The following RAP1A variants were observed in gnomAD, a reference collection of about 807,000 sequenced individuals.
The protein encoded by RAP1A is ras-related protein Rap-1A.
In RAP1A, 6 loss-of-function variants were observed where a neutral mutation model predicts 26.4. That is an observed-to-expected ratio of 0.23 (90% CI 0.12 to 0.45). The LOEUF (loss-of-function observed/expected upper bound fraction) is 0.45, where lower values mean the gene tolerates loss of function less well. Ranked by LOEUF, RAP1A falls within the 20% of genes least tolerant of loss-of-function variation. RAP1A has a pLI of 0.99. For missense variants in RAP1A, 121 were observed against 217.2 expected (o/e 0.56, Z 2.78); for synonymous variants, 73 against 79.4 (o/e 0.92, Z 0.43).
chr1:111,652,937 G>T (rs183652276), intron 1 of RAP1A, among the ~76,000 whole-genome samples: 84 of 152,324 alleles, frequency 5.5e-4, no homozygotes, highest in African/African-American at 1.9e-3. Flanking sequence ...ATACCCAAGA[G>T]AATTGGAAAC....
chr1:111,663,646 T>C (rs1361958088), intron 1 of RAP1A, among the ~76,000 whole-genome samples: 1 of 152,248 alleles, frequency 6.6e-6, no homozygotes, highest in Non-Finnish European at 1.5e-5. Context: ...CTTGGATTAA[T>C]TGAATTACCG....
chr1:111,644,086 A>G (rs1159708056), intron 1 of RAP1A, among the ~76,000 whole-genome samples: 2 of 152,218 alleles, frequency 1.3e-5, no homozygotes, highest in Admixed American at 6.5e-5. Flanking sequence ...TGTTAACCAC[A>G]TTTAGATAAT....
At chr1:111,629,839 T>A (rs894255841) in intron 1 of RAP1A, among the ~76,000 whole-genome samples, 6 of 152,182 alleles carry the variant, frequency 3.9e-5, no homozygotes, top group Non-Finnish European at 5.9e-5. Flanking sequence ...TTCAAAACGA[T>A]GATTTAATGT....
intron 1 of RAP1A, among the ~76,000 whole-genome samples, chr1:111,550,884 A>G (rs1195323540): frequency 6.6e-6 from 1 of 151,186 alleles, no homozygotes; most frequent in African/African-American, 2.4e-5. Context: ...CCTGTCTTAT[A>G]GTTTAACCTG....
chr1:111,581,077 A>C (rs1414451811), intron 1 of RAP1A, among the ~76,000 whole-genome samples: 1 of 98,162 alleles, frequency 1.0e-5, no homozygotes, highest in Non-Finnish European at 2.8e-5. Context: ...TCTCAGTGGG[A>C]GCTTTGCCTG....
chr1:111,603,226 G>C (rs1019785818), intron 1 of RAP1A, among the ~76,000 whole-genome samples: 1 of 152,224 alleles, frequency 6.6e-6, no homozygotes, highest in African/African-American at 2.4e-5. Flanking sequence ...CCACTTCCCA[G>C]AGACGACATG....
At chr1:111,578,557 T>C (rs1185130891) in intron 1 of RAP1A, among the ~76,000 whole-genome samples, 2 of 152,222 alleles carry the variant, frequency 1.3e-5, no homozygotes, top group African/African-American at 4.8e-5. Context: ...CATAATGTAC[T>C]GGAGTGAGTT....
intron 1 of RAP1A, among the ~76,000 whole-genome samples, chr1:111,613,840 A>G (rs1273253269): frequency 1.3e-5 from 2 of 152,232 alleles, no homozygotes; most frequent in Non-Finnish European, 2.9e-5. Flanking sequence ...TCTATGGACC[A>G]CATTTTGAGT....
Position 111,619,870 on chromosome 1 carries a change from G to T in RAP1A, c.-92G>T. The T allele has an allele frequency of 2.5e-6, 1 of 398,606 alleles. No homozygotes were observed. The highest frequency in any genetic ancestry group is 4.4e-6 in the Non-Finnish European group (1 of 226,180). The allele number at this position is 398,606 out of a possible 1,614,324, so 24.7% of individuals were successfully genotyped here. ...CCGGAGCAGGAGCCACGGCCGAGAG[G>T]AGGGAGGAGGAGGAGGAGGAGGTGG... On this transcript the variant is annotated 5_prime_UTR_variant, in exon 1 of 8. Coordinates refer to ENST00000369709, the MANE Select transcript of RAP1A (RefSeq NM_002884.4).
rs5777065 is a variant in RAP1A at position 111,558,352 on chromosome 1, ATT to A, written c.-28+15855_-28+15856del. 2.5e-3 allele frequency among the ~76,000 whole-genome samples: 356 copies of A among 144,952 alleles called. 3 individuals are homozygous for A. The highest frequency in any genetic ancestry group is 7.0e-3 in the African/African-American group (277 of 39,496). ...GCCACCACTCCCAGCTAATTTTTCT[ATT>A]TTTTTTTTTTTGTCTTAAGACAGGG... On this transcript the variant is annotated intron_variant, in intron 1 of 7. Coordinates refer to the RAP1A transcript ENST00000356415.
At chr1:111,620,543 C>T (rs143079261) in intron 1 of RAP1A, among the ~76,000 whole-genome samples, 443 of 152,304 alleles carry the variant, frequency 2.9e-3, no homozygotes, top group African/African-American at 0.01. Flanking sequence ...TCTCCGGGCT[C>T]ACTTCTGTCA....
chr1:111,664,385 A>AC (rs1660738215), intron 1 of RAP1A, among the ~76,000 whole-genome samples: 1 of 151,304 alleles, frequency 6.6e-6, no homozygotes, highest in African/African-American at 2.4e-5. Flanking sequence ...AAAAAAAAAA[A>AC]AAAAAAAAAA....
At chr1:111,663,948 A>G (rs561351072) in intron 1 of RAP1A, among the ~76,000 whole-genome samples, 237 of 152,238 alleles carry the variant, frequency 1.6e-3, no homozygotes, top group Middle Eastern at 3.4e-3. Flanking sequence ...GTTGCAATCT[A>G]CAGAGTACTC....
intron 1 of RAP1A, among the ~76,000 whole-genome samples, chr1:111,622,161 C>G (rs1659231085): frequency 6.6e-6 from 1 of 152,238 alleles, no homozygotes; most frequent in African/African-American, 2.4e-5. Flanking sequence ...AGCTTCCACT[C>G]TTGCCCCTCC....
At chr1:111,616,485 A>T (rs143626024), upstream of RAP1A, among the ~76,000 whole-genome samples, 299 of 151,996 alleles carry the variant, frequency 2.0e-3, 1 homozygote, top group Non-Finnish European at 3.1e-3. Flanking sequence ...CGCCTTACTC[A>T]CCCTTCCCCA....
intron 1 of RAP1A, among the ~76,000 whole-genome samples, chr1:111,601,979 T>A (rs990255463): frequency 6.6e-6 from 1 of 152,174 alleles, no homozygotes; most frequent in Admixed American, 6.5e-5. Context: ...AAACTTTAAT[T>A]GAATTTTCAA....
chr1:111,573,797 T>C (rs186006921), intron 1 of RAP1A, among the ~76,000 whole-genome samples: 8 of 152,320 alleles, frequency 5.3e-5, no homozygotes, highest in African/African-American at 1.9e-4. Context: ...TTTGCCCATT[T>C]TTTAATGGTT....
Position 111,544,565 on chromosome 1 carries a change from C to T in RAP1A, c.-28+2056C>T, listed in dbSNP as rs190734718. The stretch of plus-strand genomic sequence containing the variant: ...ATCAGTCATTTTTGTAGTTGAATAA[C>T]GTTCCATTATATACCACATTTTGTT... On this transcript the variant is annotated intron_variant, in intron 1 of 7. Coordinates refer to the RAP1A transcript ENST00000356415. 1.6e-3 allele frequency among the ~76,000 whole-genome samples: 237 copies of T among 152,262 alleles called. 4 individuals are homozygous for T. Among genetic ancestry groups the T allele is most frequent in the Non-Finnish European group, 1.8e-3 (124 of 67,984 alleles).
intron 1 of RAP1A, among the ~76,000 whole-genome samples, chr1:111,545,855 C>T (rs141317575): frequency 9.1e-4 from 139 of 152,224 alleles, no homozygotes; most frequent in African/African-American, 3.2e-3. Flanking sequence ...TCAGTTGTCC[C>T]AGCACCATTT....
Sources: allele counts gnomAD v4.1 joint callset (sites outside exome capture counted in the v4.1 genomes callset), GRCh38; gene constraint gnomAD v4.1.1; transcripts MANE v1.5; gene names NCBI Gene and HGNC (gene_info 2026-07-23, HGNC 2026-07-21).